The following NEK10 variants were observed in gnomAD, a reference collection of about 807,000 sequenced individuals.
NEK10 encodes NIMA related kinase 10, also known as serine/threonine-protein kinase Nek10.
NEK10 carries 122 observed loss-of-function variants against 159.8 expected under a neutral mutation model. The ratio of observed to expected loss-of-function variants is 0.76; its 90% CI spans 0.66 to 0.89. The LOEUF is 0.89. NEK10 is among the 40% of genes least tolerant of loss of function. NEK10 has a pLI of 0.00. For synonymous variants in NEK10, 466 were observed against 457.1 expected, an observed-to-expected ratio of 1.02 and a Z score of -0.25; for missense variants, 1,342 against 1,323.1, an observed-to-expected ratio of 1.01 and a Z score of -0.22.
intron 30 of NEK10, among the ~76,000 whole-genome samples, chr3:27,161,344 G>A (rs888373533): frequency 2.1e-4 from 32 of 152,144 alleles, no homozygotes; most frequent in Non-Finnish European, 7.3e-5. Flanking sequence ...CATCTATGCT[G>A]ACATTGTAAT....
chr3:27,208,781 A>G lies in NEK10; in HGVS notation c.2091-6224T>C, dbSNP rs1227648703. ...GCAAGATCCACAATTGGGGATATTC[A>G]ATGGGCAACATCATTCCAGATGTGA... On this transcript the variant is annotated intron_variant, in intron 23 of 35. Coordinates refer to ENST00000691995, the MANE Select transcript of NEK10 (RefSeq NM_001394966.1). Among the ~76,000 whole-genome samples, 5 of 152,220 alleles carry G rather than the reference A, an allele frequency of 3.3e-5. No homozygotes were observed. In the South Asian group the frequency reaches 1.0e-3, roughly 31 times the overall value.
intron 22 of NEK10, chr3:27,278,996 GCC>G: frequency 1.1e-5 from 9 of 805,772 alleles, no homozygotes; most frequent in African/African-American, 1.9e-5. Flanking sequence ...CATGGCACAT[GCC>G]ATCAAAAGAT....
chr3:27,169,609 C>G (rs1175877123), intron 29 of NEK10, among the ~76,000 whole-genome samples: 1 of 152,212 alleles, frequency 6.6e-6, no homozygotes, highest in Non-Finnish European at 1.5e-5. Flanking sequence ...ATCAGTGATG[C>G]ATCTTTGACT....
rs577705779 is a variant in NEK10, at chr3:27,206,777, C to T, written c.2091-4220G>A. ...ATAAATTAGAGTGGAGAACTCATCC[C>T]AAGTCAACAATGTTTATTTTCTTGA... On this transcript the variant is annotated intron_variant, in intron 23 of 35. Transcript: ENST00000691995. 3 of 211,992 alleles carry T rather than the reference C, an allele frequency of 1.4e-5. No individual in the cohort carries two copies. In the South Asian group the frequency reaches 5.1e-4, roughly 36 times the overall value. 13.1% of individuals were successfully genotyped at this position (211,992 alleles called of 1,614,324 possible).
At chr3:27,157,753 G>T (rs1945625294) in intron 30 of NEK10, among the ~76,000 whole-genome samples, 1 of 152,154 alleles carries the variant, frequency 6.6e-6, no homozygotes, top group Non-Finnish European at 1.5e-5. Context: ...ACGCTACAGA[G>T]AAACTTTTGT....
chr3:27,291,546 C>T lies in NEK10; in HGVS notation c.1414G>A (p.Gly472Arg). The T allele has an allele frequency of 6.2e-7, 1 of 1,609,660 alleles. No individual in the cohort carries two copies. Among genetic ancestry groups the T allele is most frequent in the Non-Finnish European group, 8.5e-7 (1 of 1,175,920 alleles). ...TDLFEIFIDI[G>R]HYVRDISAYE... ...GCACTGATATCACGTACATAATGCC[C>T]TATGTCAATGAAGATCTCAAACAAG... is the stretch of plus-strand genomic sequence containing the variant. Residue 472 changes from glycine to arginine, a missense_variant, in exon 17 of 36, where the codon GGG becomes AGG. Physicochemically the swap from Gly to Arg is moderately radical, Grantham distance 125. Transcript: ENST00000691995.
chr3:27,192,218 A>G lies in NEK10; in HGVS notation c.2316T>C (p.Ala772=). ...AACTGACTTCTACAATATCTGGACG[A>G]GCTTCCGCATCAGGAGTGAGGCACC... ...ISRCLTPDAE[A]RPDIVEVSSM... is the part of the protein sequence containing the mutation. The change falls in exon 26 of 36, where the codon GCT becomes GCC. Residue 772 remains alanine (A), a synonymous_variant. Coordinates refer to ENST00000691995, the MANE Select transcript of NEK10 (RefSeq NM_001394966.1). 1 of 1,614,116 alleles carries G rather than the reference A, an allele frequency of 6.2e-7. No individual in the cohort carries two copies. The highest frequency in any genetic ancestry group is 8.5e-7 in the Non-Finnish European group (1 of 1,179,946).
intron 30 of NEK10, among the ~76,000 whole-genome samples, chr3:27,150,103 G>A (rs1005351753): frequency 3.3e-5 from 5 of 152,218 alleles, no homozygotes; most frequent in African/African-American, 1.2e-4. Flanking sequence ...GAGAGCTGCA[G>A]AAGGAAAGCT....
intron 30 of NEK10, among the ~76,000 whole-genome samples, chr3:27,155,508 T>TAAATAAAATAAAATAAAATAAAATA (rs60254232): frequency 2.0e-4 from 27 of 134,300 alleles, no homozygotes; most frequent in African/African-American, 7.2e-4. Context: ...CTCAAAAAAA[T>TAAATAAAATAAAATAAAATAAAATA]AAATAAAATA....
At chr3:27,245,594 C>A (rs1954977890) in intron 23 of NEK10, among the ~76,000 whole-genome samples, 1 of 152,132 alleles carries the variant, frequency 6.6e-6, no homozygotes, top group Non-Finnish European at 1.5e-5. Context: ...AATAATTCAG[C>A]CAAATGCATC....
chr3:27,298,228 C>T (rs756745828), intron 13 of NEK10, among the ~76,000 whole-genome samples: 9 of 152,112 alleles, frequency 5.9e-5, no homozygotes, highest in African/African-American at 1.2e-4. Flanking sequence ...AGGAGGAACC[C>T]GGTGTGAAGT....
Position 27,284,848 on chromosome 3 carries a change from A to G in NEK10, c.1903T>C (p.Phe635Leu). ...HFTEERLWKI[F>L]IQLCLALRYL... The stretch of plus-strand genomic sequence containing the variant: ...TGAAGATAAAAGCATACCTGTATAA[A>G]TATTTTCCATAGTCTTTCTTCAGTA... Residue 635 changes from phenylalanine (F) to leucine (L), a missense_variant, in exon 21 of 36, where the codon TTT becomes CTT. Physicochemically the swap from Phe to Leu is conservative, Grantham distance 22. Coordinates refer to ENST00000691995, the MANE Select transcript of NEK10 (RefSeq NM_001394966.1). The G allele has an allele frequency of 6.3e-7, 1 of 1,582,884 alleles. No individual in the cohort carries two copies. The highest frequency in any genetic ancestry group is 1.1e-5 in the South Asian group (1 of 89,792).
intron 23 of NEK10, among the ~76,000 whole-genome samples, chr3:27,250,432 T>C (rs1428933588): frequency 1.3e-5 from 2 of 152,264 alleles, no homozygotes; most frequent in Admixed American, 1.3e-4. Flanking sequence ...GTGATCCACC[T>C]GCCTTGGTCT....
intron 3 of NEK10, among the ~76,000 whole-genome samples, chr3:27,347,880 G>A (rs2047681678): frequency 6.6e-6 from 1 of 152,036 alleles, no homozygotes. Context: ...ATCTCTCTGT[G>A]CATCAGTTTC....
At chr3:27,170,217 G>A (rs995821126) in intron 29 of NEK10, among the ~76,000 whole-genome samples, 6 of 152,064 alleles carry the variant, frequency 3.9e-5, no homozygotes, top group African/African-American at 1.4e-4. Context: ...GCCACCTCCT[G>A]AGTGGGGGTC....
In NEK10 at chr3:27,293,625, G is replaced by A; in HGVS notation, c.1336C>T (p.Leu446Phe). 1 of 1,579,306 alleles carries A rather than the reference G, an allele frequency of 6.3e-7. No individual in the cohort carries two copies. The highest frequency in any genetic ancestry group is 8.7e-7 in the Non-Finnish European group (1 of 1,151,506). Reference sequence around the variant, plus strand: ...GGTCTGTTTCTTTCCATACTGAAGAGAAATCTCAAGGCTCTGAAAGCATAA... The same window carrying A: ...GGTCTGTTTCTTTCCATACTGAAGAAAAATCTCAAGGCTCTGAAAGCATAA... ...QCYAFRALRF[L>F]FSMERNRPLF... Residue 446 changes from leucine to phenylalanine, a missense_variant, in exon 16 of 36, where the codon CTC becomes TTC. Leu to Phe is a conservative substitution (Grantham distance 22). Transcript: ENST00000691995.
intron 23 of NEK10, among the ~76,000 whole-genome samples, chr3:27,223,663 CTG>C (rs1410999800): frequency 6.6e-6 from 1 of 152,146 alleles, no homozygotes; most frequent in Non-Finnish European, 1.5e-5. Context: ...CTTCCTGTCT[CTG>C]TGTTTGCCTC....
At chr3:27,184,418 G>C (rs1948424893) in intron 26 of NEK10, among the ~76,000 whole-genome samples, 1 of 152,202 alleles carries the variant, frequency 6.6e-6, no homozygotes, top group South Asian at 2.1e-4. Flanking sequence ...GCAGAGAATT[G>C]TATAGAAAGA....
intron 31 of NEK10, among the ~76,000 whole-genome samples, chr3:27,134,845 T>C (rs1943018065): frequency 6.6e-6 from 1 of 152,174 alleles, no homozygotes; most frequent in Non-Finnish European, 1.5e-5. Context: ...ATAAACATAA[T>C]AATATATTAT....
Sources: gnomAD v4.1 joint callset for allele counts (sites outside exome capture counted in the v4.1 genomes callset) on GRCh38, gnomAD v4.1.1 for gene constraint, MANE v1.5 for transcripts, NCBI Gene and HGNC (gene_info 2026-07-23, HGNC 2026-07-21) for gene names.